KLF12: variants seen among roughly 807,000 people sequenced by gnomAD.
KLF12 encodes the protein KLF transcription factor 12.
Under a neutral mutation model 37.8 loss-of-function variants are expected in KLF12, and 9 were observed. That is an observed-to-expected ratio of 0.24 (90% CI 0.14 to 0.42). The LOEUF is 0.42. KLF12 is among the 10% of genes least tolerant of loss of function. The pLI is 1.00. For synonymous variants in KLF12, 208 were observed against 202.1 expected, an observed-to-expected ratio of 1.03 and a Z score of -0.25; for missense variants, 411 against 516.0, an observed-to-expected ratio of 0.80 and a Z score of 1.97.
chr13:73,957,015 A>AGAAAGGAAAGGAAAGGAAAGGAAAG (rs71115626), intron 2 of KLF12, among the ~76,000 whole-genome samples: 22 of 87,460 alleles, frequency 2.5e-4, no homozygotes, highest in African/African-American at 6.3e-4. Flanking sequence ...GGAAAGGAAA[A>AGAAAGGAAAGGAAAGGAAAGGAAAG]GAAAGGAAAG....
At chr13:73,707,790 TCAAACCA>T (rs1875061549) in intron 7 of KLF12, among the ~76,000 whole-genome samples, 1 of 152,136 alleles carries the variant, frequency 6.6e-6, no homozygotes, top group Non-Finnish European at 1.5e-5. Flanking sequence ...AGGAATATCC[TCAAACCA>T]CTTCAGAATC....
intron 1 of KLF12, among the ~76,000 whole-genome samples, chr13:74,064,385 C>T (rs1355051607): frequency 7.1e-6 from 1 of 141,764 alleles, no homozygotes; most frequent in African/African-American, 2.6e-5. Context: ...ACAGTGTCTT[C>T]GTGGATTTCA....
chr13:73,982,633 A>G (rs1269236239), intron 2 of KLF12, among the ~76,000 whole-genome samples: 3 of 151,908 alleles, frequency 2.0e-5, no homozygotes, highest in Non-Finnish European at 4.4e-5. Context: ...TCATAAATAC[A>G]CTTGGTATAG....
intron 3 of KLF12, among the ~76,000 whole-genome samples, chr13:73,926,411 A>C (rs1476839785): frequency 6.6e-6 from 1 of 152,206 alleles, no homozygotes. Flanking sequence ...AAATTAAGGT[A>C]TATACATTGT....
intron 1 of KLF12, among the ~76,000 whole-genome samples, chr13:74,020,343 A>C (rs1892809914): frequency 6.6e-6 from 1 of 152,168 alleles, no homozygotes; most frequent in Admixed American, 6.5e-5. Context: ...CGGGTACCCT[A>C]ATCACTACAG....
At position 73,686,308 on chromosome 13, in the gene KLF12, ATCC is replaced by A. The variant is rs1027799040; in HGVS notation, c.*9179_*9181del. On this transcript the variant is annotated 3_prime_UTR_variant, in exon 8 of 8. Transcript: ENST00000377669. ...TCTCTGAGAATAGACTGGAATAATC[ATCC>A]TCTGAGAGAATCTCATTAGGAGGGT... is the stretch of plus-strand genomic sequence containing the variant. The A allele has an allele frequency of 6.5e-6, 1 of 152,768 alleles. No homozygotes were observed. Among genetic ancestry groups the A allele is most frequent in the Non-Finnish European group, 1.5e-5 (1 of 68,030 alleles). 9.5% of individuals were successfully genotyped at this position (152,768 alleles called of 1,614,324 possible).
chr13:73,698,733 G>T (rs1874326722), intron 7 of KLF12, among the ~76,000 whole-genome samples: 1 of 152,160 alleles, frequency 6.6e-6, no homozygotes, highest in Non-Finnish European at 1.5e-5. Context: ...TTGAATAGCT[G>T]CAACATATAA....
intron 1 of KLF12, among the ~76,000 whole-genome samples, chr13:74,039,456 C>G (rs999170849): frequency 1.8e-4 from 27 of 151,844 alleles, no homozygotes; most frequent in African/African-American, 6.5e-4. Context: ...CTGCTTGAGC[C>G]AGGTGAAGCC....
chr13:73,721,718 A>ATT (rs11390848), intron 6 of KLF12, among the ~76,000 whole-genome samples: 312 of 145,388 alleles, frequency 2.1e-3, no homozygotes, highest in Middle Eastern at 0.014. Context: ...TGCCTAGTTA[A>ATT]TTTTTTTTTT....
At chr13:74,133,008 C>T (rs1466315756) in intron 1 of KLF12, among the ~76,000 whole-genome samples, 1 of 152,248 alleles carries the variant, frequency 6.6e-6, no homozygotes, top group Middle Eastern at 3.4e-3. Flanking sequence ...GTTCCCGGCC[C>T]GGGTGGACGT....
At chr13:74,241,128 G>A in the KLF12 span, among the ~76,000 whole-genome samples, 4 of 151,404 alleles carry the variant, frequency 2.6e-5, no homozygotes, top group Non-Finnish European at 5.9e-5. Flanking sequence ...TTTTGGTGTG[G>A]ATGTCCTTTC....
At chr13:73,858,054 T>C (rs899062470) in intron 3 of KLF12, among the ~76,000 whole-genome samples, 1 of 152,238 alleles carries the variant, frequency 6.6e-6, no homozygotes, top group Non-Finnish European at 1.5e-5. Flanking sequence ...AGTTTTTCCA[T>C]TAAGTGAATT....
At chr13:73,894,829 A>G (rs1033800618) in intron 3 of KLF12, among the ~76,000 whole-genome samples, 26 of 152,302 alleles carry the variant, frequency 1.7e-4, no homozygotes, top group Admixed American at 8.5e-4. Flanking sequence ...CCGCTTTTAA[A>G]TAAGTTCTAT....
intron 1 of KLF12, among the ~76,000 whole-genome samples, chr13:74,085,476 A>G (rs1265283021): frequency 2.0e-5 from 3 of 152,190 alleles, no homozygotes; most frequent in African/African-American, 4.8e-5. Flanking sequence ...TACACTAATG[A>G]GCTTACACAT....
upstream of KLF12, among the ~76,000 whole-genome samples, chr13:74,134,580 A>G (rs1330711015): frequency 7.3e-6 from 1 of 137,774 alleles, no homozygotes; most frequent in Non-Finnish European, 1.6e-5. Context: ...GGGCCTCGGC[A>G]GCGCTTCCCT....
chr13:74,104,343 C>T (rs1426499777), intron 1 of KLF12, among the ~76,000 whole-genome samples: 1 of 152,186 alleles, frequency 6.6e-6, no homozygotes, highest in Non-Finnish European at 1.5e-5. Context: ...CATTTCTGCA[C>T]ATTCACATAA....
At chr13:74,166,212 C>A in the KLF12 span, among the ~76,000 whole-genome samples, 2 of 151,408 alleles carry the variant, frequency 1.3e-5, no homozygotes, top group African/African-American at 4.9e-5. Context: ...GCCACCTCAG[C>A]CCCCGAGTAG....
intron 2 of KLF12, among the ~76,000 whole-genome samples, chr13:73,959,118 C>A (rs1047268849): frequency 2.4e-4 from 3 of 12,254 alleles, no homozygotes; most frequent in South Asian, 5.7e-3. Context: ...CTCCACACCC[C>A]CCTTCCAAAA....
chr13:73,728,602 T>A (rs1048606802), intron 6 of KLF12, among the ~76,000 whole-genome samples: 75 of 152,334 alleles, frequency 4.9e-4, no homozygotes, highest in African/African-American at 1.7e-3. Flanking sequence ...TGCCACCTAT[T>A]CCTAGTGTAC....
Sources: gnomAD v4.1 joint callset for allele counts (sites outside exome capture counted in the v4.1 genomes callset) on GRCh38, gnomAD v4.1.1 for gene constraint, MANE v1.5 for transcripts, NCBI Gene and HGNC (gene_info 2026-07-23, HGNC 2026-07-21) for gene names.